Variants in ZNF385D observed in about 807,000 individuals in gnomAD.
The protein encoded by ZNF385D is zinc finger protein 659.
Under a neutral mutation model 35.8 loss-of-function variants are expected in ZNF385D, and 15 were observed. That is an observed-to-expected ratio of 0.42 (90% confidence interval 0.28 to 0.64). The LOEUF (loss-of-function observed/expected upper bound fraction) is 0.64, where lower values mean the gene tolerates loss of function less well. Among genes scored for constraint, ZNF385D ranks in the 30% least tolerant of loss-of-function variants. The pLI is 0.23. For synonymous variants in ZNF385D, 212 were observed against 186.8 expected (o/e 1.13, Z -1.10); for missense variants, 474 against 494.6 (o/e 0.96, Z 0.39).
Position 21,718,919 on chromosome 3 carries a change from T to A in ZNF385D, c.22+31976A>T, listed in dbSNP as rs1419331685. ...GTATTTTCATCAAATAGTTAAAAATTTAAAAATTGTTAAAATTCTAACCCA... is the reference window on the plus strand; with the variant it reads ...GTATTTTCATCAAATAGTTAAAAATATAAAAATTGTTAAAATTCTAACCCA... On this transcript the variant is annotated intron_variant, in intron 1 of 7. Coordinates refer to ENST00000281523, the MANE Select transcript of ZNF385D (RefSeq NM_024697.3). 3.9e-5 allele frequency among the ~76,000 whole-genome samples: 6 copies of A among 152,140 alleles called. No individual in the cohort carries two copies. The East Asian group carries it at 1.2e-3, about 29-fold the overall frequency.
chr3:21,781,081 T>A (rs1485444832), intron 3 of ZNF385D, among the ~76,000 whole-genome samples: 1 of 151,984 alleles, frequency 6.6e-6, no homozygotes, highest in Non-Finnish European at 1.5e-5. Context: ...CAGGCTGAGA[T>A]GGAGAAGCTA....
intron 3 of ZNF385D, among the ~76,000 whole-genome samples, chr3:21,946,681 T>A (rs12330142): frequency 0.26 from 39,046 of 151,088 alleles, 5,848 homozygotes; most frequent in Admixed American, 0.41. Context: ...AAACTACAAA[T>A]ATTAGCCAGG....
At chr3:22,048,626 C>T (rs1699156138) in intron 3 of ZNF385D, among the ~76,000 whole-genome samples, 1 of 152,042 alleles carries the variant, frequency 6.6e-6, no homozygotes, top group Admixed American at 6.6e-5. Flanking sequence ...GTAACAGTAC[C>T]ATGTTGTTTT....
chr3:22,093,765 C>G (rs765326595), intron 3 of ZNF385D, among the ~76,000 whole-genome samples: 3 of 152,032 alleles, frequency 2.0e-5, no homozygotes, highest in Non-Finnish European at 4.4e-5. Context: ...TTATTATGGT[C>G]TATAATTCCC....
chr3:22,125,893 G>A (rs6764664), intron 3 of ZNF385D, among the ~76,000 whole-genome samples: 2,302 of 152,120 alleles, frequency 0.015, 67 homozygotes, highest in African/African-American at 0.052. Flanking sequence ...TTTACAACCT[G>A]GATGTCTCAT....
chr3:22,004,196 G>A (rs1696045537), intron 3 of ZNF385D, among the ~76,000 whole-genome samples: 1 of 152,150 alleles, frequency 6.6e-6, no homozygotes, highest in African/African-American at 2.4e-5. Context: ...ACATGTTGGG[G>A]ATAGGATACC....
intron 3 of ZNF385D, among the ~76,000 whole-genome samples, chr3:21,955,773 T>C (rs574977030): frequency 1.1e-3 from 175 of 152,296 alleles, no homozygotes; most frequent in Non-Finnish European, 2.1e-3. Context: ...ATTAAATGTC[T>C]ACTGTATGCC....
At chr3:21,582,269 T>C (rs1349578949) in intron 2 of ZNF385D, among the ~76,000 whole-genome samples, 1 of 152,182 alleles carries the variant, frequency 6.6e-6, no homozygotes, top group Non-Finnish European at 1.5e-5. Flanking sequence ...TTTTTGGTGG[T>C]TGGCATATCA....
At chr3:21,734,691 C>G (rs898409205) in intron 1 of ZNF385D, among the ~76,000 whole-genome samples, 3 of 152,010 alleles carry the variant, frequency 2.0e-5, no homozygotes, top group African/African-American at 7.3e-5. Context: ...TGAGCCAAAA[C>G]CTGGGCTGCA....
intron 3 of ZNF385D, among the ~76,000 whole-genome samples, chr3:21,988,710 C>T (rs1322077069): frequency 4.0e-5 from 6 of 151,732 alleles, no homozygotes; most frequent in Non-Finnish European, 5.9e-5. Context: ...GTTGGAGCTT[C>T]CTGGCTGCTT....
At chr3:21,933,947 C>T (rs1166699222) in intron 3 of ZNF385D, among the ~76,000 whole-genome samples, 1 of 151,750 alleles carries the variant, frequency 6.6e-6, no homozygotes, top group Non-Finnish European at 1.5e-5. Flanking sequence ...GCAAAGTTGC[C>T]TGGTGCATTG....
At chr3:21,434,678 T>C (rs1279577419) in intron 5 of ZNF385D, among the ~76,000 whole-genome samples, 1 of 152,178 alleles carries the variant, frequency 6.6e-6, no homozygotes, top group Non-Finnish European at 1.5e-5. Context: ...TATGTGTCTT[T>C]TCCTCTTCCC....
rs182182922 is a variant in ZNF385D at position 21,513,022 on chromosome 3, G to A, written c.277-1999C>T. Among the ~76,000 whole-genome samples, 242 of 152,034 alleles carry A rather than the reference G, an allele frequency of 1.6e-3. 1 individual carries two copies. The highest frequency in any genetic ancestry group is 5.3e-3 in the African/African-American group (219 of 41,490). ...TAAAAGATGGGGGGTGAGATTAATC[G>A]TGCTATCTCCACTTATACCTCCAAA... On this transcript the variant is annotated intron_variant, in intron 3 of 7. Coordinates refer to ENST00000281523, the MANE Select transcript of ZNF385D (RefSeq NM_024697.3).
In ZNF385D at chr3:21,986,447, G is replaced by C. The variant is rs1241501054; in HGVS notation, c.325+182370C>G. 2.7e-5 allele frequency among the ~76,000 whole-genome samples: 3 copies of C among 112,186 alleles called. No individual in the cohort carries two copies. The East Asian group carries it at 6.1e-4, about 23-fold the overall frequency. 73.6% of individuals were successfully genotyped at this position (112,186 alleles called of 152,430 possible). ...TGTACCCAGTAGTCATTCAGGAGCA[G>C]GTTGTTCAGTTTCCATGTAGTTGAG... On this transcript the variant is annotated intron_variant, in intron 3 of 5. Transcript: ENST00000494108.
intron 1 of ZNF385D, among the ~76,000 whole-genome samples, chr3:21,734,746 A>G (rs2069168240): frequency 6.6e-6 from 1 of 152,178 alleles, no homozygotes; most frequent in South Asian, 2.1e-4. Context: ...GTCAGGAAAT[A>G]AGAACCTTTG....
At chr3:22,022,093 T>C (rs1697256379) in intron 3 of ZNF385D, among the ~76,000 whole-genome samples, 1 of 152,012 alleles carries the variant, frequency 6.6e-6, no homozygotes. Flanking sequence ...AACTGATGAG[T>C]TCAGATTGTT....
chr3:21,847,855 A>G (rs1443436076), intron 3 of ZNF385D, among the ~76,000 whole-genome samples: 1 of 152,058 alleles, frequency 6.6e-6, no homozygotes, highest in African/African-American at 2.4e-5. Flanking sequence ...TTAACATGAG[A>G]CCACACTTTC....
rs75146394 is a variant in ZNF385D, at chr3:22,258,262, C to T, written c.107-89227G>A. On this transcript the variant is annotated intron_variant, in intron 2 of 5. Coordinates refer to the ZNF385D transcript ENST00000494108. ...AAGAAGCTTTAAATGTTAGAGCTAA[C>T]ATTTACTCAAAGAGAGGAAGACATA... 5.9e-3 allele frequency among the ~76,000 whole-genome samples: 895 copies of T among 151,760 alleles called. 7 individuals are homozygous for T. The highest frequency in any genetic ancestry group is 0.02 in the African/African-American group (847 of 41,456).
At chr3:22,311,508 T>G (rs1482646040) in intron 2 of ZNF385D, among the ~76,000 whole-genome samples, 2 of 152,078 alleles carry the variant, frequency 1.3e-5, no homozygotes, top group African/African-American at 4.8e-5. Context: ...ACTTACCTAT[T>G]TATTCATTCA....
Sources: gnomAD v4.1 joint callset for allele counts (sites outside exome capture counted in the v4.1 genomes callset) on GRCh38, gnomAD v4.1.1 for gene constraint, MANE v1.5 for transcripts, NCBI Gene and HGNC (gene_info 2026-07-23, HGNC 2026-07-21) for gene names.